Variants in RPS6KC1 observed in about 807,000 individuals in gnomAD.
RPS6KC1 encodes the protein ribosomal protein S6 kinase C1.
A neutral mutation model predicts 103.8 loss-of-function variants in RPS6KC1; 54 were observed. The observed-to-expected ratio is 0.52, with a 90% CI of 0.42 to 0.65. The LOEUF (loss-of-function observed/expected upper bound fraction) is 0.65. Ranked by LOEUF, RPS6KC1 falls within the 30% of genes least tolerant of loss-of-function variation. The pLI is 0.00. For synonymous variants in RPS6KC1, 439 were observed against 438.7 expected (o/e 1.00, Z -0.01); for missense variants, 1,151 against 1,253.8 (o/e 0.92, Z 1.24).
intron 14 of RPS6KC1, among the ~76,000 whole-genome samples, chr1:213,269,334 T>C (rs1318506797): frequency 6.6e-6 from 1 of 152,034 alleles, no homozygotes; most frequent in Non-Finnish European, 1.5e-5. Flanking sequence ...AAAGGAAAAA[T>C]AGACAATTTA....
At chr1:213,558,959 T>C in the RPS6KC1 span, among the ~76,000 whole-genome samples, 1 of 152,256 alleles carries the variant, frequency 6.6e-6, no homozygotes, top group East Asian at 1.9e-4. Flanking sequence ...GGCTTCCTGA[T>C]TCTTGAATCT....
the RPS6KC1 span, among the ~76,000 whole-genome samples, chr1:213,335,554 C>G: frequency 6.6e-6 from 1 of 152,214 alleles, no homozygotes; most frequent in Admixed American, 6.5e-5. Flanking sequence ...AATTTCTTCT[C>G]TTTAACTACA....
At chr1:213,767,448 T>C in the RPS6KC1 span, among the ~76,000 whole-genome samples, 1 of 152,286 alleles carries the variant, frequency 6.6e-6, no homozygotes, top group Non-Finnish European at 1.5e-5. Context: ...CTCTGACCTA[T>C]GCAAATCCTA....
chr1:213,843,493 C>T, the RPS6KC1 span: 18 of 152,166 alleles, frequency 1.2e-4, no homozygotes, highest in Non-Finnish European at 2.5e-4. Flanking sequence ...CGGACCCCAA[C>T]CTGAAGCACT....
At chr1:213,177,336 GTTAA>G (rs2091940427) in intron 8 of RPS6KC1, among the ~76,000 whole-genome samples, 1 of 152,148 alleles carries the variant, frequency 6.6e-6, no homozygotes, top group Non-Finnish European at 1.5e-5. Context: ...TAAGGGATAG[GTTAA>G]TTTAGATATT....
chr1:213,848,710 G>T, the RPS6KC1 span, among the ~76,000 whole-genome samples: 1 of 151,980 alleles, frequency 6.6e-6, no homozygotes, highest in Non-Finnish European at 1.5e-5. Context: ...ACATTATATT[G>T]TCCACACTTC....
chr1:213,369,700 G>A, the RPS6KC1 span, among the ~76,000 whole-genome samples: 1 of 152,238 alleles, frequency 6.6e-6, no homozygotes, highest in Non-Finnish European at 1.5e-5. Flanking sequence ...CTGGATAATT[G>A]CCAAATATCT....
At chr1:213,645,762 T>A in the RPS6KC1 span, among the ~76,000 whole-genome samples, 11 of 152,234 alleles carry the variant, frequency 7.2e-5, no homozygotes, top group African/African-American at 2.4e-4. Context: ...TGGGTTTGTA[T>A]TTGATCAGTT....
intron 6 of RPS6KC1, among the ~76,000 whole-genome samples, chr1:213,136,188 C>T (rs1572751407): frequency 6.6e-6 from 1 of 152,124 alleles, no homozygotes; most frequent in Admixed American, 6.6e-5. Flanking sequence ...AAAGGTAACC[C>T]CTGACTAGCT....
At chr1:213,418,114 G>A in the RPS6KC1 span, among the ~76,000 whole-genome samples, 6 of 152,228 alleles carry the variant, frequency 3.9e-5, no homozygotes, top group East Asian at 1.2e-3. Context: ...GCTGAGAAAC[G>A]TGATTGTGAC....
the RPS6KC1 span, among the ~76,000 whole-genome samples, chr1:213,454,153 G>GT: frequency 2.6e-5 from 4 of 151,480 alleles, no homozygotes; most frequent in Non-Finnish European, 2.9e-5. Context: ...CACATGGGGG[G>GT]GGTCAGCATT....
chr1:213,841,157 G>A, the RPS6KC1 span: 1 of 152,076 alleles, frequency 6.6e-6, no homozygotes, highest in South Asian at 2.1e-4. Flanking sequence ...TGACTCCCCT[G>A]TTGAATTGGT....
At chr1:213,858,291 C>A in the RPS6KC1 span, among the ~76,000 whole-genome samples, 1 of 152,220 alleles carries the variant, frequency 6.6e-6, no homozygotes, top group African/African-American at 2.4e-5. Context: ...AAGAGATTAA[C>A]TTGTGCCCAT....
the RPS6KC1 span, among the ~76,000 whole-genome samples, chr1:213,357,237 C>T: frequency 2.6e-5 from 4 of 152,138 alleles, no homozygotes; most frequent in African/African-American, 4.8e-5. Context: ...AAGGTGGGCC[C>T]GTGTGTCTGC....
chr1:213,129,615 T>A lies in RPS6KC1; in HGVS notation c.561T>A (p.Asn187Lys). 1 of 1,614,052 alleles carries A rather than the reference T, an allele frequency of 6.2e-7. No homozygotes were observed. The highest frequency in any genetic ancestry group is 8.5e-7 in the Non-Finnish European group (1 of 1,179,948). Residue 187 changes from asparagine to lysine, a missense_variant, in exon 6 of 15, where the codon AAT becomes AAA. This residue lies in a region of RPS6KC1 where 959 missense variants were observed against 1,006.3 expected (regional missense o/e 0.95). Transcript: ENST00000366960. The part of the protein sequence containing the change: ...ELDDGMASNQ[N>K]SPIRTFGLNL... ...ATGATGGAATGGCTTCCAATCAAAA[T>A]TCTCCCATTAGAACTTTTGGTCTCA...
At chr1:213,374,898 A>G in the RPS6KC1 span, among the ~76,000 whole-genome samples, 1 of 152,192 alleles carries the variant, frequency 6.6e-6, no homozygotes, top group Non-Finnish European at 1.5e-5. Flanking sequence ...ATGGGGAGGG[A>G]AAATTTAAAA....
intron 3 of RPS6KC1, among the ~76,000 whole-genome samples, chr1:213,101,214 C>G (rs1332724325): frequency 6.6e-6 from 1 of 152,106 alleles, no homozygotes; most frequent in Non-Finnish European, 1.5e-5. Flanking sequence ...TTGTTGGCTG[C>G]TTGTATGTCT....
the RPS6KC1 span, among the ~76,000 whole-genome samples, chr1:213,453,533 G>C: frequency 1.3e-5 from 2 of 152,148 alleles, no homozygotes; most frequent in Non-Finnish European, 2.9e-5. Flanking sequence ...GGCAGGGAGA[G>C]TACCTTCTGC....
At chr1:213,364,755 A>T in the RPS6KC1 span, among the ~76,000 whole-genome samples, 1 of 152,056 alleles carries the variant, frequency 6.6e-6, no homozygotes, top group Non-Finnish European at 1.5e-5. Context: ...GGAGTTTGAG[A>T]CCAGCCTGGT....
Sources: gnomAD v4.1 joint callset for allele counts (sites outside exome capture counted in the v4.1 genomes callset) on GRCh38, gnomAD v4.1.1 for gene constraint, gnomAD v4.1.1 regional missense constraint, MANE v1.5 for transcripts, NCBI Gene and HGNC (gene_info 2026-07-23, HGNC 2026-07-21) for gene names.